CTNNA3: variants seen among roughly 807,000 people sequenced by gnomAD.
The protein encoded by CTNNA3 is catenin alpha 3.
CTNNA3 carries 76 observed loss-of-function variants against 95.7 expected under a neutral mutation model. The ratio of observed to expected loss-of-function variants is 0.79; its 90% confidence interval spans 0.66 to 0.96. The LOEUF is 0.96. Ranked by LOEUF, CTNNA3 falls within the 40% of genes least tolerant of loss-of-function variation. The pLI, the probability that CTNNA3 is intolerant of heterozygous loss-of-function variation, is 0.00. For missense variants in CTNNA3, 1,191 were observed against 1,089.8 expected, an observed-to-expected ratio of 1.09 and a Z score of -1.31; for synonymous variants, 431 against 374.4, an observed-to-expected ratio of 1.15 and a Z score of -1.74.
chr10:67,039,022 G>A (rs1026292015), intron 7 of CTNNA3, among the ~76,000 whole-genome samples: 8 of 152,078 alleles, frequency 5.3e-5, no homozygotes, highest in Admixed American at 1.3e-4. Flanking sequence ...TAGAAAATTC[G>A]TGTTAGAAAG....
chr10:67,301,531 T>C (rs1341470843), intron 5 of CTNNA3, among the ~76,000 whole-genome samples: 1 of 152,150 alleles, frequency 6.6e-6, no homozygotes, highest in East Asian at 1.9e-4. Flanking sequence ...AATCAGCATG[T>C]CAAAGAAATA....
intron 7 of CTNNA3, among the ~76,000 whole-genome samples, chr10:66,797,422 A>AAAAC (rs33946637): frequency 3.4e-5 from 5 of 148,810 alleles, no homozygotes; most frequent in East Asian, 2.0e-4. Flanking sequence ...AAAAAAAAAA[A>AAAAC]CCCACATTTA....
chr10:66,595,179 C>G (rs978356317), intron 10 of CTNNA3, among the ~76,000 whole-genome samples: 3 of 151,918 alleles, frequency 2.0e-5, no homozygotes, highest in Admixed American at 1.3e-4. Flanking sequence ...AACCAAAATC[C>G]AAGAATAGAC....
chr10:67,037,163 T>G (rs1369112651), intron 7 of CTNNA3, among the ~76,000 whole-genome samples: 1 of 152,130 alleles, frequency 6.6e-6, no homozygotes, highest in Non-Finnish European at 1.5e-5. Flanking sequence ...TAGAGAGATG[T>G]TCACACATCT....
chr10:67,644,554 A>G (rs1839645208), intron 2 of CTNNA3, among the ~76,000 whole-genome samples: 1 of 152,060 alleles, frequency 6.6e-6, no homozygotes, highest in Non-Finnish European at 1.5e-5. Flanking sequence ...TGGGTTATAC[A>G]TGATCAAAGT....
chr10:67,163,477 T>A (rs1861635388), intron 7 of CTNNA3, among the ~76,000 whole-genome samples: 1 of 152,022 alleles, frequency 6.6e-6, no homozygotes, highest in African/African-American at 2.4e-5. Flanking sequence ...ATATCTTGAT[T>A]TTTAAAAATC....
chr10:66,486,454 T>A (rs971367656), intron 11 of CTNNA3, among the ~76,000 whole-genome samples: 4 of 152,042 alleles, frequency 2.6e-5, no homozygotes, highest in African/African-American at 9.7e-5. Flanking sequence ...ATGCTCAACA[T>A]CACTAATTAA....
At chr10:67,656,497 G>T (rs1840029246) in intron 1 of CTNNA3, among the ~76,000 whole-genome samples, 1 of 152,252 alleles carries the variant, frequency 6.6e-6, no homozygotes, top group African/African-American at 2.4e-5. Flanking sequence ...ATCACGAGGA[G>T]AGTGTGACCA....
intron 13 of CTNNA3, among the ~76,000 whole-genome samples, chr10:66,133,376 G>A (rs981140621): frequency 1.1e-4 from 17 of 152,068 alleles, no homozygotes; most frequent in South Asian, 4.2e-4. Context: ...TTAGCCAGGC[G>A]TGGTGGCAGC....
chr10:66,280,131 C>A (rs962494778), intron 13 of CTNNA3, among the ~76,000 whole-genome samples: 1 of 151,826 alleles, frequency 6.6e-6, no homozygotes, highest in African/African-American at 2.4e-5. Context: ...CCTTTTTGTT[C>A]AACAAAAATA....
At chr10:66,965,155 G>A (rs1033348767) in intron 7 of CTNNA3, among the ~76,000 whole-genome samples, 7 of 152,148 alleles carry the variant, frequency 4.6e-5, no homozygotes, top group Non-Finnish European at 7.4e-5. Flanking sequence ...TGGGAGCCAC[G>A]GTGGAAGGCA....
intron 11 of CTNNA3, among the ~76,000 whole-genome samples, chr10:66,398,642 G>C (rs1380650846): frequency 1.3e-5 from 2 of 151,680 alleles, no homozygotes; most frequent in African/African-American, 4.8e-5. Context: ...GTATGGAAAA[G>C]ATAGATAAAA....
At chr10:66,901,134 T>C (rs529378341) in intron 7 of CTNNA3, among the ~76,000 whole-genome samples, 1 of 152,100 alleles carries the variant, frequency 6.6e-6, no homozygotes, top group Non-Finnish European at 1.5e-5. Context: ...GAGAGAAAGG[T>C]CGGGTTACCC....
At chr10:66,902,384 T>C (rs1845788603) in intron 7 of CTNNA3, among the ~76,000 whole-genome samples, 2 of 152,186 alleles carry the variant, frequency 1.3e-5, no homozygotes, top group African/African-American at 4.8e-5. Flanking sequence ...TAAAGCAGTA[T>C]GTAGATGGAA....
At chr10:66,895,659 T>C (rs1351075406) in intron 7 of CTNNA3, among the ~76,000 whole-genome samples, 1 of 152,110 alleles carries the variant, frequency 6.6e-6, no homozygotes, top group Non-Finnish European at 1.5e-5. Context: ...TCCATTTCTT[T>C]ATGCCTCAGT....
intron 10 of CTNNA3, among the ~76,000 whole-genome samples, chr10:66,570,552 G>A (rs777261466): frequency 4.1e-4 from 63 of 152,154 alleles, no homozygotes; most frequent in Non-Finnish European, 8.4e-4. Context: ...CTCCCAAGGT[G>A]CTGGGATTAC....
Position 67,656,261 on chromosome 10 carries a change from G to A in CTNNA3, c.-5-8743C>T, listed in dbSNP as rs1840022325. On this transcript the variant is annotated intron_variant, in intron 1 of 17. Coordinates refer to ENST00000433211, the MANE Select transcript of CTNNA3 (RefSeq NM_013266.4). ...GAAACTGCCTGATATCGTAAGTGATGAAGGAATAGTTGGGTCTCATTCTTT... is the reference window on the plus strand; with the variant it reads ...GAAACTGCCTGATATCGTAAGTGATAAAGGAATAGTTGGGTCTCATTCTTT... Among the ~76,000 whole-genome samples the A allele has an allele frequency of 3.3e-5, 5 of 152,204 alleles. No homozygotes were observed. In the South Asian group the frequency reaches 1.0e-3, roughly 32 times the overall value.
intron 5 of CTNNA3, among the ~76,000 whole-genome samples, chr10:67,282,179 A>G (rs1408544345): frequency 6.6e-6 from 1 of 152,200 alleles, no homozygotes; most frequent in Non-Finnish European, 1.5e-5. Context: ...ATTCTACCCT[A>G]TTCCTTACGC....
At chr10:66,570,737 C>T (rs1842846327) in intron 10 of CTNNA3, among the ~76,000 whole-genome samples, 2 of 150,932 alleles carry the variant, frequency 1.3e-5, no homozygotes, top group Non-Finnish European at 2.9e-5. Context: ...GAATTCTAGA[C>T]AAAATTTTAT....
Sources: allele counts gnomAD v4.1 joint callset (sites outside exome capture counted in the v4.1 genomes callset), GRCh38; gene constraint gnomAD v4.1.1; transcripts MANE v1.5; gene names NCBI Gene and HGNC (gene_info 2026-07-23, HGNC 2026-07-21).